Variants in PRODH2 observed in about 807,000 individuals in gnomAD.
PRODH2 encodes the protein hydroxyproline dehydrogenase.
PRODH2 carries 49 observed loss-of-function variants against 51.9 expected under a neutral mutation model. That is an observed-to-expected ratio of 0.94 (90% confidence interval 0.75 to 1.20). The LOEUF is 1.20. PRODH2 is among the 50% of genes most tolerant of loss of function. PRODH2 has a pLI of 0.00. For missense variants in PRODH2, 597 were observed against 610.9 expected (o/e 0.98, Z 0.24); for synonymous variants, 249 against 260.7 (o/e 0.96, Z 0.43).
At chr19:35,800,432 A>G (rs1035899756) in intron 9 of PRODH2, among the ~76,000 whole-genome samples, 2 of 151,996 alleles carry the variant, frequency 1.3e-5, no homozygotes, top group African/African-American at 2.4e-5. Context: ...TATTTTTAGT[A>G]GAGATGGGGT....
Position 35,802,190 on chromosome 19 carries a change from C to T in PRODH2, c.1198+1G>A, listed in dbSNP as rs763312751. On this transcript the variant is annotated splice_donor_variant, in intron 9 of 9. Coordinates refer to ENST00000653904, the MANE Select transcript of PRODH2 (RefSeq NM_021232.2). LOFTEE classifies it high-confidence loss of function. ...TGGGGGTGGGGGAGCCATTCACATA[C>T]CCAGTGCTAGAGAGACGTGGTCACA... The T allele has an allele frequency of 6.8e-6, 11 of 1,613,764 alleles. No homozygotes were observed. Among genetic ancestry groups the T allele is most frequent in the Non-Finnish European group, 9.3e-6 (11 of 1,179,906 alleles).
chr19:35,808,812 CTTTTTTT>C (rs1555755838), intron 4 of PRODH2, among the ~76,000 whole-genome samples: 1 of 131,222 alleles, frequency 7.6e-6, no homozygotes, highest in Non-Finnish European at 1.6e-5. Context: ...TTCCTTCCTT[CTTTTTTT>C]TTTTTTTTTG....
intron 9 of PRODH2, 118 bp downstream of exon 9, chr19:35,802,073 T>C: frequency 1.1e-6 from 1 of 903,050 alleles, no homozygotes; most frequent in Non-Finnish European, 1.8e-6. Context: ...GACACTGGAA[T>C]GACAGATCTC....
rs771611300 is a variant in PRODH2, at chr19:35,812,766, G to A, written c.40C>T (p.Pro14Ser). Residue 14 changes from proline to serine, a missense_variant, in exon 1 of 10, where the codon CCC becomes TCC. Transcript: ENST00000653904. ...AGGGACTGCCAGCCCCTGGAGGGGG[G>A]ACCAGCTTGGGAACAGAGCACGTAA... ...TCYVLCSQAG[P>S]PSRGWQSLSF... 10 of 1,607,800 alleles carry A rather than the reference G, an allele frequency of 6.2e-6. No homozygotes were observed. The highest frequency in any genetic ancestry group is 2.2e-5 in the East Asian group (1 of 44,808).
intron 8 of PRODH2, chr19:35,802,511 C>T (rs1972448593): frequency 1.7e-6 from 1 of 581,340 alleles, no homozygotes; most frequent in Non-Finnish European, 3.1e-6. Flanking sequence ...AACGTCTTGT[C>T]CATCTGGGAC....
Position 35,800,025 on chromosome 19 carries a change from C to G in PRODH2, c.*13G>C. ...TAAGGACTTTTATTGACCACATGAC[C>G]CCCTCAGGGGTGCTAGTGGGGTATC... On this transcript the variant is annotated 3_prime_UTR_variant, in exon 10 of 10. Transcript: ENST00000653904. The G allele has an allele frequency of 6.2e-7, 1 of 1,604,658 alleles. No homozygotes were observed. Among genetic ancestry groups the G allele is most frequent in the Non-Finnish European group, 8.5e-7 (1 of 1,175,854 alleles).
At position 35,806,485 on chromosome 19, in the gene PRODH2, G is replaced by C. The variant is rs1972512437; in HGVS notation, c.946C>G (p.Gln316Glu). 2.5e-6 allele frequency: 4 copies of C among 1,614,018 alleles called. No individual in the cohort carries two copies. The highest frequency in any genetic ancestry group is 2.2e-5 in the South Asian group (2 of 91,090). Residue 316 changes from glutamine (Q) to glutamate (E), a missense_variant, in exon 7 of 10, where the codon CAG (glutamine) becomes GAG (glutamate). By Grantham distance (29) the Gln-to-Glu change is conservative. Coordinates refer to ENST00000653904, the MANE Select transcript of PRODH2 (RefSeq NM_021232.2). ...GTGGGGTCTTCCATCCCATGGAGCT[G>C]GGCCACCGCTCTCTCCTTGTCCAGA... ...AYLDKERAVA[Q>E]LHGMEDPTQP...
At chr19:35,807,863 C>A (rs1972539814) in intron 4 of PRODH2, among the ~76,000 whole-genome samples, 1 of 151,984 alleles carries the variant, frequency 6.6e-6, no homozygotes, top group Non-Finnish European at 1.5e-5. Context: ...GCAGCCTCCA[C>A]CTCCCCAGCT....
In PRODH2 at chr19:35,807,101, G is replaced by A; in HGVS notation, c.618C>T (p.Leu206=). Residue 206 remains leucine (L), a synonymous_variant, in exon 5 of 10, where the codon CTC becomes CTT. Transcript: ENST00000653904. ...DSGQNLQVSC[L]NAEQNQHLRA... ...GGAGGTGCTGGTTCTGCTCAGCATT[G>A]AGGCAGGAGACCTGGAGGTTCTAGG... 3 of 1,552,516 alleles carry A rather than the reference G, an allele frequency of 1.9e-6. No homozygotes were observed. Among genetic ancestry groups the A allele is most frequent in the Non-Finnish European group, 2.6e-6 (3 of 1,147,344 alleles).
At chr19:35,803,890 T>C (rs767248400) in intron 7 of PRODH2, among the ~76,000 whole-genome samples, 8 of 152,220 alleles carry the variant, frequency 5.3e-5, no homozygotes, top group Non-Finnish European at 8.8e-5. Context: ...CTTGCAAGCA[T>C]GCTGCAGGCC....
Position 35,812,653 on chromosome 19 carries a change from TGG to T in PRODH2, c.151_152del (p.Pro51ThrfsTer37). The T allele has an allele frequency of 6.3e-7, 1 of 1,593,214 alleles. No individual in the cohort carries two copies. The highest frequency in any genetic ancestry group is 1.3e-5 in the African/African-American group (1 of 74,466). ...TCACCAACAGCCCGTGAGTGACGAG[TGG>T]GGGCCAGGCACACAGCCGGAGAACC... ...LLVLRLCAWP[P>X]LVTHGLLLQA... On this transcript the variant is annotated frameshift_variant, in exon 1 of 10. Transcript: ENST00000653904. LOFTEE classifies it high-confidence loss of function.
rs1972396251 is a variant in PRODH2 at position 35,800,154 on chromosome 19, T to C, written c.1267A>G (p.Ile423Val). Residue 423 changes from isoleucine to valine, a missense_variant, in exon 10 of 10, where the codon ATC becomes GTC. Ile to Val is a conservative substitution (Grantham distance 29). Coordinates refer to ENST00000653904, the MANE Select transcript of PRODH2 (RefSeq NM_021232.2). ...CTCCGGTTCTCCTGGGCCCTCCGGA[T>C]CAGGTAGGGGATTACCTCCTCCAAG... is the stretch of plus-strand genomic sequence containing the variant. ...GSLEEVIPYL[I>V]RRAQENRSVL... 3 of 1,605,000 alleles carry C rather than the reference T, an allele frequency of 1.9e-6. No individual in the cohort carries two copies. The highest frequency in any genetic ancestry group is 2.6e-6 in the Non-Finnish European group (3 of 1,175,548).
chr19:35,808,112 G>A (rs35750728), intron 4 of PRODH2, among the ~76,000 whole-genome samples: 21,544 of 152,232 alleles, frequency 0.14, 2,294 homozygotes, highest in African/African-American at 0.3. Flanking sequence ...CGAGGTCAGG[G>A]ATTTTGCCTT....
chr19:35,805,516 C>A (rs141851824), intron 7 of PRODH2, among the ~76,000 whole-genome samples: 1 of 152,166 alleles, frequency 6.6e-6, no homozygotes, highest in African/African-American at 2.4e-5. Flanking sequence ...ATCTGCCTGC[C>A]TCAGCCTCCC....
At chr19:35,804,667 T>C (rs1449511344) in intron 7 of PRODH2, among the ~76,000 whole-genome samples, 9 of 152,248 alleles carry the variant, frequency 5.9e-5, no homozygotes. Context: ...CTGGACATGC[T>C]GGCTTACGCC....
In PRODH2 at chr19:35,812,419, G is replaced by A. The variant is rs768932694; in HGVS notation, c.312C>T (p.Ser104=). 3 of 1,614,100 alleles carry A rather than the reference G, an allele frequency of 1.9e-6. No homozygotes were observed. Among genetic ancestry groups the A allele is most frequent in the Non-Finnish European group, 2.5e-6 (3 of 1,180,034 alleles). Residue 104 remains serine (S), a synonymous_variant, in exon 2 of 10, where the codon AGC becomes AGT. Coordinates refer to ENST00000653904, the MANE Select transcript of PRODH2 (RefSeq NM_021232.2). ...KGCVQQLRTL[S]LRPLLAVPTE... is the part of the protein sequence containing the mutation. ...TGGGCACTGCCAGCAGTGGTCGGAG[G>A]CTGAGGGTCCGCAGCTGCTGCACGC...
chr19:35,800,762 G>T (rs12983479), intron 9 of PRODH2, among the ~76,000 whole-genome samples: 2 of 151,832 alleles, frequency 1.3e-5, no homozygotes, highest in Non-Finnish European at 2.9e-5. Context: ...GTGTGATCAC[G>T]ACTCACTGCT....
chr19:35,802,262 C>T lies in PRODH2; in HGVS notation c.1127G>A (p.Gly376Asp). Residue 376 changes from glycine to aspartate, a missense_variant, in exon 9 of 10, where the codon GGC becomes GAC. Gly to Asp is a moderately conservative substitution (Grantham distance 94, BLOSUM62 -1). Transcript: ENST00000653904. ...RQATKRMWELGIPLDGTVCFG... is the reference protein window; with the variant it reads ...RQATKRMWELDIPLDGTVCFG... ...ACAGACAGTCCCATCCAGAGGAATG[C>T]CCAGCTCCCACATGCTACAGAAAAG... 1 of 1,614,152 alleles carries T rather than the reference C, an allele frequency of 6.2e-7. No individual in the cohort carries two copies. The highest frequency in any genetic ancestry group is 1.3e-5 in the African/African-American group (1 of 75,024).
intron 9 of PRODH2, among the ~76,000 whole-genome samples, chr19:35,800,855 GCTAA>G (rs976668718): frequency 4.6e-5 from 7 of 151,962 alleles, no homozygotes; most frequent in South Asian, 4.2e-4. Flanking sequence ...TCCACGCCCA[GCTAA>G]CTGTTTTTAT....
Sources: gnomAD v4.1 joint callset for allele counts (sites outside exome capture counted in the v4.1 genomes callset) on GRCh38, gnomAD v4.1.1 for gene constraint, MANE v1.5 for transcripts, NCBI Gene and HGNC (gene_info 2026-07-23, HGNC 2026-07-21) for gene names.